Variants in NIPSNAP3B observed in about 807,000 individuals in gnomAD.
The protein encoded by NIPSNAP3B is nipsnap homolog 3B, also known as protein NipSnap homolog 3B.
In NIPSNAP3B, 30 loss-of-function variants were observed where a neutral mutation model predicts 31.5. That is an observed-to-expected ratio of 0.95 (90% CI 0.71 to 1.29). NIPSNAP3B has a LOEUF of 1.29. Among genes scored for constraint, NIPSNAP3B ranks in the 50% most tolerant of loss-of-function variants. NIPSNAP3B has a pLI of 0.00. For missense variants in NIPSNAP3B, 269 were observed against 300.7 expected (o/e 0.89, Z 0.78); for synonymous variants, 106 against 107.9 (o/e 0.98, Z 0.11).
chr9:104,779,841 C>A (rs1828429655), downstream of NIPSNAP3B, among the ~76,000 whole-genome samples: 1 of 151,932 alleles, frequency 6.6e-6, no homozygotes, highest in Non-Finnish European at 1.5e-5. Context: ...CCAGCCTGGC[C>A]AACGTATAGT....
the NIPSNAP3B span, chr9:104,784,426 A>G: frequency 6.2e-7 from 1 of 1,614,132 alleles, no homozygotes; most frequent in East Asian, 2.2e-5. Flanking sequence ...GGTCATCATC[A>G]CTTTGGTCCT....
At position 104,769,123 on chromosome 9, in the gene NIPSNAP3B, T is replaced by G. The variant is rs796602414; in HGVS notation, c.430+102T>G. On this transcript the variant is annotated intron_variant, in intron 3 of 5. Coordinates refer to ENST00000374762, the MANE Select transcript of NIPSNAP3B (RefSeq NM_018376.4). ...TATAGGAAAAAAATATATAATTCTT[T>G]GTTTTATATAATAATATATGATGAG... 2.5e-5 allele frequency: 20 copies of G among 810,874 alleles called. No homozygotes were observed. In the African/African-American group the frequency reaches 3.3e-4, roughly 13 times the overall value. 50.2% of individuals were successfully genotyped at this position (810,874 alleles called of 1,614,324 possible).
chr9:104,768,137 A>C (rs147253104), intron 2 of NIPSNAP3B, among the ~76,000 whole-genome samples: 2 of 152,322 alleles, frequency 1.3e-5, no homozygotes, highest in East Asian at 3.9e-4. Flanking sequence ...GAATCCACAG[A>C]TGCAGAACCT....
At position 104,777,618 on chromosome 9, in the gene NIPSNAP3B, AGT is replaced by A. The variant is rs1161508034; in HGVS notation, c.*4550_*4551del. Among the ~76,000 whole-genome samples, 1 of 152,232 alleles carries A rather than the reference AGT, an allele frequency of 6.6e-6. No individual in the cohort carries two copies. The highest frequency in any genetic ancestry group is 1.5e-5 in the Non-Finnish European group (1 of 68,034). Reference sequence around the variant, plus strand: ...TCCGTGGTGGTCATGAACCACCCAGAGTGTGTACAAGGCTCCTGCCAGAAGAA... The same window carrying A: ...TCCGTGGTGGTCATGAACCACCCAGAGTGTACAAGGCTCCTGCCAGAAGAA... On this transcript the variant is annotated 3_prime_UTR_variant, in exon 6 of 6. Coordinates refer to ENST00000374762, the MANE Select transcript of NIPSNAP3B (RefSeq NM_018376.4).
At chr9:104,785,614 C>T in the NIPSNAP3B span, 6 of 1,613,958 alleles carry the variant, frequency 3.7e-6, no homozygotes, top group Non-Finnish European at 5.1e-6. Context: ...GCTATTCGTA[C>T]AACTATTGTA....
intron 4 of NIPSNAP3B, among the ~76,000 whole-genome samples, chr9:104,772,105 C>T (rs187078536): frequency 2.8e-4 from 43 of 151,722 alleles, no homozygotes; most frequent in African/African-American, 9.9e-4. Context: ...TGTTTAAGTT[C>T]CTTATAGAGG....
chr9:104,772,777 C>G (rs1828251727), intron 4 of NIPSNAP3B, 45 bp from the exon 5 acceptor site: 4 of 1,568,762 alleles, frequency 2.5e-6, no homozygotes, highest in Admixed American at 1.8e-5. Flanking sequence ...TTCTTATTTG[C>G]TATTGCCATA....
chr9:104,788,740 G>A, the NIPSNAP3B span, among the ~76,000 whole-genome samples: 1 of 152,304 alleles, frequency 6.6e-6, no homozygotes, highest in South Asian at 2.1e-4. Flanking sequence ...CTTCCTGGCA[G>A]GCAGGGTTCC....
downstream of NIPSNAP3B, among the ~76,000 whole-genome samples, chr9:104,778,410 T>C (rs1343893526): frequency 6.6e-6 from 1 of 152,138 alleles, no homozygotes; most frequent in East Asian, 1.9e-4. Context: ...TTTTTGTATT[T>C]ATTAGAGATG....
At chr9:104,785,319 T>C in the NIPSNAP3B span, 2 of 1,583,710 alleles carry the variant, frequency 1.3e-6, no homozygotes, top group South Asian at 2.2e-5. Flanking sequence ...CAAACTGCTC[T>C]TGGACCTATG....
At chr9:104,766,749 G>A (rs1464426240) in intron 2 of NIPSNAP3B, among the ~76,000 whole-genome samples, 1 of 152,046 alleles carries the variant, frequency 6.6e-6, no homozygotes. Context: ...TCATAAATGA[G>A]AAAACATGCA....
the NIPSNAP3B span, chr9:104,784,298 C>A: frequency 6.2e-7 from 1 of 1,613,956 alleles, no homozygotes; most frequent in Non-Finnish European, 8.5e-7. Context: ...TCAGCCACCC[C>A]GTATGAACAG....
intron 1 of NIPSNAP3B, 99 bp downstream of exon 1, chr9:104,764,399 C>G (rs915571364): frequency 9.3e-7 from 1 of 1,071,286 alleles, no homozygotes; most frequent in Admixed American, 3.2e-5. Flanking sequence ...CGCTCCCAGA[C>G]CTGGGGCCCC....
At chr9:104,780,797 C>T (rs1490847064), downstream of NIPSNAP3B, among the ~76,000 whole-genome samples, 1 of 152,204 alleles carries the variant, frequency 6.6e-6, no homozygotes, top group Non-Finnish European at 1.5e-5. Context: ...ACACTTAATA[C>T]CAGTTACTCA....
In NIPSNAP3B at chr9:104,773,268, C is replaced by T. The variant is rs1247732175; in HGVS notation, c.*195C>T. 1 of 589,584 alleles carries T rather than the reference C, an allele frequency of 1.7e-6. No individual in the cohort carries two copies. The highest frequency in any genetic ancestry group is 3.0e-6 in the Non-Finnish European group (1 of 336,356). 36.5% of individuals were successfully genotyped at this position (589,584 alleles called of 1,614,324 possible). On this transcript the variant is annotated 3_prime_UTR_variant, in exon 6 of 6. Coordinates refer to ENST00000374762, the MANE Select transcript of NIPSNAP3B (RefSeq NM_018376.4). Reference sequence around the variant, plus strand: ...AAGAAATAATTCAGTTCACTTTCACCTTGGCATTTCAGTATCTGTTACACA... The same window carrying T: ...AAGAAATAATTCAGTTCACTTTCACTTTGGCATTTCAGTATCTGTTACACA...
At chr9:104,766,562 C>A in intron 2 of NIPSNAP3B, 27 bp downstream of exon 2, 1 of 1,587,078 alleles carries the variant, frequency 6.3e-7, no homozygotes, top group South Asian at 1.1e-5. Context: ...TTTTAGTATT[C>A]AGTATAGATT....
chr9:104,780,687 C>T (rs900593921), downstream of NIPSNAP3B, among the ~76,000 whole-genome samples: 3 of 152,114 alleles, frequency 2.0e-5, no homozygotes, highest in African/African-American at 7.2e-5. Flanking sequence ...TCCCCTATAC[C>T]AAGTGAACAT....
intron 3 of NIPSNAP3B, 104 bp downstream of exon 3, chr9:104,769,125 T>A: frequency 5.1e-6 from 4 of 791,778 alleles, no homozygotes; most frequent in African/African-American, 1.7e-5. Flanking sequence ...TAATTCTTTG[T>A]TTTATATAAT....
intron 2 of NIPSNAP3B, among the ~76,000 whole-genome samples, chr9:104,767,955 T>C (rs1828123564): frequency 6.6e-6 from 1 of 152,168 alleles, no homozygotes; most frequent in Non-Finnish European, 1.5e-5. Context: ...TCAAGTCCAT[T>C]ATATGAAACA....
Sources: gnomAD v4.1 joint callset for allele counts (sites outside exome capture counted in the v4.1 genomes callset) on GRCh38, gnomAD v4.1.1 for gene constraint, MANE v1.5 for transcripts, NCBI Gene and HGNC (gene_info 2026-07-23, HGNC 2026-07-21) for gene names.